Variants in TLR5 observed in about 807,000 individuals in gnomAD.
TLR5 encodes toll like receptor 5.
For missense variants in TLR5, 944 were observed against 999.8 expected, an observed-to-expected ratio of 0.94 and a Z score of 0.75; for synonymous variants, 373 against 384.4, an observed-to-expected ratio of 0.97 and a Z score of 0.35.
intron 2 of TLR5, 171 bp downstream of exon 2, chr1:223,141,477 T>C (rs1350012373): frequency 2.0e-5 from 3 of 152,078 alleles, no homozygotes; most frequent in African/African-American, 7.2e-5. Flanking sequence ...ATTGTTGAAA[T>C]TTAGATTATT....
At chr1:223,125,617 G>A (rs76057664) in intron 5 of TLR5, among the ~76,000 whole-genome samples, 3,118 of 151,552 alleles carry the variant, frequency 0.021, 39 homozygotes, top group Non-Finnish European at 0.029. Flanking sequence ...GGTGGTGATG[G>A]TGGTGGCGGT....
At position 223,111,501 on chromosome 1, in the gene TLR5, G is replaced by A. The variant is rs1222540766; in HGVS notation, c.1531C>T (p.His511Tyr). The A allele has an allele frequency of 6.2e-7, 1 of 1,614,148 alleles. No individual in the cohort carries two copies. Among genetic ancestry groups the A allele is most frequent in the Admixed American group, 1.7e-5 (1 of 60,030 alleles). Reference sequence around the variant, plus strand: ...GGTGGAAGGGAATTAAGATAGTTATGATTCAAATACAGAACTTGAAGATGA... The same window carrying A: ...GGTGGAAGGGAATTAAGATAGTTATAATTCAAATACAGAACTTGAAGATGA... ...LSHLQVLYLN[H>Y]NYLNSLPPGV... is the part of the protein sequence containing the mutation. The change falls in exon 6 of 6, where the codon CAT (histidine) becomes TAT (tyrosine). Residue 511 changes from histidine to tyrosine, a missense_variant. Coordinates refer to ENST00000642603, the MANE Select transcript of TLR5 (RefSeq NM_003268.6).
chr1:223,122,691 C>T (rs1657001142), intron 5 of TLR5, among the ~76,000 whole-genome samples: 2 of 152,138 alleles, frequency 1.3e-5, no homozygotes, highest in Admixed American at 6.5e-5. Context: ...GTCACACTGC[C>T]CATAAGTAGA....
chr1:223,111,156 T>C lies in TLR5; in HGVS notation c.1876A>G (p.Thr626Ala). The change falls in exon 6 of 6, where the codon ACG becomes GCG. Residue 626 changes from threonine to alanine, a missense_variant. By Grantham distance (58) the Thr-to-Ala change is moderately conservative. Transcript: ENST00000642603. ...ACTTCCTCTTCATCACAACCTTCCG[T>C]GGAAAGAGAGAAGAGGGAAACCCCA... ...FSGVSLFSLS[T>A]EGCDEEEVLK... is the part of the protein sequence containing the mutation. 1 of 1,613,924 alleles carries C rather than the reference T, an allele frequency of 6.2e-7. No individual in the cohort carries two copies. Among genetic ancestry groups the C allele is most frequent in the Non-Finnish European group, 8.5e-7 (1 of 1,179,970 alleles).
At chr1:223,130,502 C>A (rs1657356684) in intron 5 of TLR5, among the ~76,000 whole-genome samples, 1 of 152,208 alleles carries the variant, frequency 6.6e-6, no homozygotes, top group South Asian at 2.1e-4. Flanking sequence ...GGCTCCTCTG[C>A]CAGTTCTCTG....
rs573306386 is a variant in TLR5 at position 223,115,173 on chromosome 1, C to T, written c.-4-2138G>A. Among the ~76,000 whole-genome samples the T allele has an allele frequency of 2.7e-3, 407 of 152,318 alleles. 3 individuals carry two copies. Among genetic ancestry groups the T allele is most frequent in the African/African-American group, 9.2e-3 (384 of 41,564 alleles). On this transcript the variant is annotated intron_variant, in intron 5 of 5. Transcript: ENST00000642603. ...ATTCAGCTCTTGGCTGTCTTGTCAACATTATCTTGAATAGTTTTTCTCCTC... is the reference window on the plus strand; with the variant it reads ...ATTCAGCTCTTGGCTGTCTTGTCAATATTATCTTGAATAGTTTTTCTCCTC...
intron 5 of TLR5, among the ~76,000 whole-genome samples, chr1:223,116,359 C>T (rs1231180917): frequency 6.6e-6 from 1 of 152,108 alleles, no homozygotes; most frequent in Non-Finnish European, 1.5e-5. Context: ...TATAGACCTT[C>T]ACGGTGAGTG....
In TLR5 at chr1:223,141,820, TATAGAG is replaced by T. The variant is rs1232169222; in HGVS notation, c.-554-63_-554-58del. Reference sequence around the variant, plus strand: ...ATATATATATATATATATATATATATATAGAGAGAGAGAGAGAGAGAGAGAGAGAGA... The same window carrying T: ...ATATATATATATATATATATATATATAGAGAGAGAGAGAGAGAGAGAGAGA... On this transcript the variant is annotated intron_variant, in intron 1 of 5. Transcript: ENST00000642603. The T allele has an allele frequency of 5.1e-3, 223 of 43,850 alleles. 1 individual carries two copies. The highest frequency in any genetic ancestry group is 7.3e-3 in the Non-Finnish European group (170 of 23,244). 2.7% of individuals were successfully genotyped at this position (43,850 alleles called of 1,614,324 possible).
intron 5 of TLR5, among the ~76,000 whole-genome samples, chr1:223,118,225 T>A (rs1480594691): frequency 1.3e-5 from 2 of 152,182 alleles, no homozygotes; most frequent in Non-Finnish European, 2.9e-5. Context: ...AGATTTAAAA[T>A]TTTTCTAATT....
rs1427770723 is a variant in TLR5 at position 223,111,814 on chromosome 1, G to A, written c.1218C>T (p.Pro406=). Residue 406 remains proline, a synonymous_variant, in exon 6 of 6, where the codon CCC becomes CCT. Transcript: ENST00000642603. ...LTTIHFIPSI[P]DIFLSGNKLV... Reference sequence around the variant, plus strand: ...GTTTATTGCCACTCAAGAAGATATCGGGTATGCTTGGAATAAAATGAATGG... The same window carrying A: ...GTTTATTGCCACTCAAGAAGATATCAGGTATGCTTGGAATAAAATGAATGG... The A allele has an allele frequency of 9.3e-6, 15 of 1,613,940 alleles. No individual in the cohort carries two copies. The highest frequency in any genetic ancestry group is 3.3e-4 in the Middle Eastern group (2 of 6,084).
chr1:223,116,964 G>A (rs1057220565), intron 5 of TLR5, among the ~76,000 whole-genome samples: 1 of 152,212 alleles, frequency 6.6e-6, no homozygotes, highest in Non-Finnish European at 1.5e-5. Flanking sequence ...ATGCGCCTGT[G>A]CTCTTCAGTC....
rs200165647 is a variant in TLR5, at chr1:223,111,162, G to C, written c.1870C>G (p.Leu624Val). The part of the protein sequence containing the change: ...DSFSGVSLFS[L>V]STEGCDEEEV... ...TCTTCATCACAACCTTCCGTGGAAAGAGAGAAGAGGGAAACCCCAGAGAAC... is the reference window on the plus strand; with the variant it reads ...TCTTCATCACAACCTTCCGTGGAAACAGAGAAGAGGGAAACCCCAGAGAAC... Residue 624 changes from leucine to valine, a missense_variant, in exon 6 of 6, where the codon CTT becomes GTT. Physicochemically the swap from Leu to Val is conservative, Grantham distance 32 (BLOSUM62 1). Coordinates refer to ENST00000642603, the MANE Select transcript of TLR5 (RefSeq NM_003268.6). 5 of 1,614,238 alleles carry C rather than the reference G, an allele frequency of 3.1e-6. No individual in the cohort carries two copies. The East Asian group carries it at 1.1e-4, about 36-fold the overall frequency.
chr1:223,137,298 T>C (rs1185463691), intron 2 of TLR5, 35 bp from the exon 3 acceptor site: 1 of 152,234 alleles, frequency 6.6e-6, no homozygotes, highest in Non-Finnish European at 1.5e-5. Flanking sequence ...ATCTTGAATT[T>C]AGCATAGTGG....
intron 5 of TLR5, among the ~76,000 whole-genome samples, chr1:223,117,389 G>T (rs536332789): frequency 5.9e-5 from 9 of 152,072 alleles, no homozygotes; most frequent in Middle Eastern, 3.4e-3. Context: ...CTCCCACAGT[G>T]CACCGGTGGG....
intron 5 of TLR5, among the ~76,000 whole-genome samples, chr1:223,115,413 C>A (rs1475619313): frequency 6.6e-6 from 1 of 152,194 alleles, no homozygotes; most frequent in Non-Finnish European, 1.5e-5. Flanking sequence ...GCACGCCCAG[C>A]TAATTTTTGT....
At chr1:223,114,156 C>A (rs542206739) in intron 5 of TLR5, among the ~76,000 whole-genome samples, 1 of 152,282 alleles carries the variant, frequency 6.6e-6, no homozygotes, top group South Asian at 2.1e-4. Flanking sequence ...GAGACTGGCC[C>A]ACTTGCTTAA....
At chr1:223,122,061 T>G (rs1487528858) in intron 5 of TLR5, among the ~76,000 whole-genome samples, 1 of 152,132 alleles carries the variant, frequency 6.6e-6, no homozygotes, top group Non-Finnish European at 1.5e-5. Context: ...GTGTTACAGT[T>G]CAGAAGAAAC....
At chr1:223,120,910 C>T (rs1656924242) in intron 5 of TLR5, among the ~76,000 whole-genome samples, 1 of 152,080 alleles carries the variant, frequency 6.6e-6, no homozygotes, top group Admixed American at 6.6e-5. Context: ...GGCAAAAACC[C>T]ATATCTACCA....
chr1:223,111,013 T>A lies in TLR5; in HGVS notation c.2019A>T (p.Thr673=), dbSNP rs1321716877. ...FRGFCFICYK[T]AQRLVFKDHP... is the part of the protein sequence containing the mutation. The stretch of plus-strand genomic sequence containing the variant: ...GGTCCTTGAACACCAGTCTCTGGGC[T>A]GTCTTATAACAGATAAAACAGAAGC... Residue 673 remains threonine, a synonymous_variant, in exon 6 of 6, where the codon ACA becomes ACT. Transcript: ENST00000642603. 1 of 1,614,242 alleles carries A rather than the reference T, an allele frequency of 6.2e-7. No individual in the cohort carries two copies. The highest frequency in any genetic ancestry group is 1.3e-5 in the African/African-American group (1 of 75,074).
Sources: gnomAD v4.1 joint callset for allele counts (sites outside exome capture counted in the v4.1 genomes callset) on GRCh38, gnomAD v4.1.1 for gene constraint, MANE v1.5 for transcripts, NCBI Gene and HGNC (gene_info 2026-07-23, HGNC 2026-07-21) for gene names.